NR3C2: variants seen among roughly 807,000 people sequenced by gnomAD.
NR3C2 encodes mineralocorticoid receptor.
A neutral mutation model predicts 86.4 loss-of-function variants in NR3C2; 15 were observed. The observed-to-expected ratio is 0.17, with a 90% confidence interval of 0.12 to 0.27. NR3C2 has a LOEUF of 0.27. Among genes scored for constraint, NR3C2 ranks in the 10% least tolerant of loss-of-function variants. The pLI, the probability that NR3C2 is intolerant of heterozygous loss-of-function variation, is 1.00. For missense variants in NR3C2, 960 were observed against 1,195.6 expected (o/e 0.80, Z 2.91); for synonymous variants, 458 against 450.5 (o/e 1.02, Z -0.21).
At chr4:148,122,908 C>A (rs965896453) in intron 6 of NR3C2, among the ~76,000 whole-genome samples, 11 of 152,064 alleles carry the variant, frequency 7.2e-5, no homozygotes, top group Non-Finnish European at 1.3e-4. Flanking sequence ...TGAAAAAGAA[C>A]AGAATAACAG....
intron 2 of NR3C2, among the ~76,000 whole-genome samples, chr4:148,369,477 C>T (rs72951990): frequency 0.012 from 1,812 of 152,298 alleles, 30 homozygotes; most frequent in African/African-American, 0.041. Flanking sequence ...ACATATACTT[C>T]ACTTTGAGGC....
At chr4:148,118,904 C>T (rs977564094) in intron 7 of NR3C2, among the ~76,000 whole-genome samples, 1 of 152,138 alleles carries the variant, frequency 6.6e-6, no homozygotes, top group African/African-American at 2.4e-5. Context: ...GGTAATACCC[C>T]CCATTATTTC....
chr4:148,421,378 T>C (rs376070720), intron 2 of NR3C2, among the ~76,000 whole-genome samples: 5 of 152,348 alleles, frequency 3.3e-5, no homozygotes, highest in Admixed American at 3.3e-4. Context: ...CATAGCAGTG[T>C]ATTCGTCTCT....
intron 6 of NR3C2, 31 bp from the exon 7 acceptor site, chr4:148,120,319 A>T: frequency 6.2e-7 from 1 of 1,613,628 alleles, no homozygotes; most frequent in Middle Eastern, 1.7e-4. Flanking sequence ...ATGTCTGAGA[A>T]TGCAAGATTC....
At chr4:148,139,678 A>G (rs1288162311) in intron 6 of NR3C2, among the ~76,000 whole-genome samples, 1 of 152,190 alleles carries the variant, frequency 6.6e-6, no homozygotes, top group Non-Finnish European at 1.5e-5. Flanking sequence ...CTCCTACTGC[A>G]GCTCCACTGA....
Position 148,436,149 on chromosome 4 carries a change from A to T in NR3C2, c.712T>A (p.Ser238Thr), listed in dbSNP as rs749025828. 2 of 1,614,086 alleles carry T rather than the reference A, an allele frequency of 1.2e-6. No homozygotes were observed. The highest frequency in any genetic ancestry group is 3.3e-5 in the Admixed American group (2 of 60,016). The change falls in exon 2 of 9, where the codon TCC becomes ACC. Residue 238 changes from serine to threonine, a missense_variant. Ser to Thr is a moderately conservative substitution (Grantham distance 58, BLOSUM62 1). Transcript: ENST00000358102. The stretch of plus-strand genomic sequence containing the variant: ...GAGCCTCGATTTTCAACATTAGGGG[A>T]GCATGTCAGAGGAGTTCCCTGGGTG... ...PITQGTPLTC[S>T]PNVENRGSRS...
rs13125410 is a variant in NR3C2 at position 148,094,514 on chromosome 4, G to T, written c.2800-13015C>A. On this transcript the variant is annotated intron_variant, in intron 8 of 8. Coordinates refer to ENST00000358102, the MANE Select transcript of NR3C2 (RefSeq NM_000901.5). Reference sequence around the variant, plus strand: ...GGACCACCTGAGATCAGGAATTTGAGACCAGCCTGGCCAACATGGTGAAAC... The same window carrying T: ...GGACCACCTGAGATCAGGAATTTGATACCAGCCTGGCCAACATGGTGAAAC... Among the ~76,000 whole-genome samples, 1,017 of 152,266 alleles carry T rather than the reference G, an allele frequency of 6.7e-3. 3 individuals carry two copies. The highest frequency in any genetic ancestry group is 0.011 in the Non-Finnish European group (767 of 68,012).
chr4:148,198,862 C>T (rs576565118), intron 3 of NR3C2, among the ~76,000 whole-genome samples: 6 of 151,762 alleles, frequency 4.0e-5, no homozygotes, highest in Non-Finnish European at 7.4e-5. Context: ...GGGTGGATCA[C>T]GAGATCAGGT....
At chr4:148,212,861 G>A (rs1475672499) in intron 3 of NR3C2, among the ~76,000 whole-genome samples, 4 of 152,166 alleles carry the variant, frequency 2.6e-5, no homozygotes, top group African/African-American at 7.2e-5. Context: ...GATAGGCATC[G>A]TGTTTATTGT....
chr4:148,276,771 C>T (rs540316272), intron 2 of NR3C2, among the ~76,000 whole-genome samples: 3 of 152,236 alleles, frequency 2.0e-5, no homozygotes, highest in South Asian at 2.1e-4. Context: ...GAGAAAAGTG[C>T]GGTAGCACTT....
At chr4:148,302,839 T>A (rs1579127324) in intron 2 of NR3C2, among the ~76,000 whole-genome samples, 3 of 83,330 alleles carry the variant, frequency 3.6e-5, no homozygotes, top group Admixed American at 3.4e-4. Context: ...AGAGCGAAAC[T>A]CCGTCTCAAA....
chr4:148,349,021 A>G (rs985319144), intron 2 of NR3C2, among the ~76,000 whole-genome samples: 4 of 152,196 alleles, frequency 2.6e-5, no homozygotes, highest in Non-Finnish European at 5.9e-5. Flanking sequence ...CTCTAGAAAG[A>G]AGAGTAAAAT....
chr4:148,269,211 G>C (rs758980720), intron 2 of NR3C2, among the ~76,000 whole-genome samples: 2 of 152,092 alleles, frequency 1.3e-5, no homozygotes, highest in East Asian at 1.9e-4. Context: ...AAGTCCAAGT[G>C]GGGGAGCAAG....
chr4:148,339,884 A>G lies in NR3C2; in HGVS notation c.1758-79767T>C, dbSNP rs547071521. On this transcript the variant is annotated intron_variant, in intron 2 of 8. Transcript: ENST00000358102. ...TACAAAGTCAACATACAAAAAAATC[A>G]GTAGCACTTATATAAGCCAACAGTG... Among the ~76,000 whole-genome samples, 6 of 152,318 alleles carry G rather than the reference A, an allele frequency of 3.9e-5. No homozygotes were observed. The East Asian group carries it at 1.2e-3, about 29-fold the overall frequency.
At chr4:148,093,544 T>C (rs1276682074) in intron 8 of NR3C2, among the ~76,000 whole-genome samples, 3 of 152,164 alleles carry the variant, frequency 2.0e-5, no homozygotes, top group Non-Finnish European at 4.4e-5. Context: ...AAAATGAGCA[T>C]TGGGGCGGGG....
At chr4:148,299,372 G>A (rs111227348) in intron 2 of NR3C2, among the ~76,000 whole-genome samples, 2,150 of 152,142 alleles carry the variant, frequency 0.014, 54 homozygotes, top group African/African-American at 0.049. Flanking sequence ...CAACCCTGTC[G>A]CTCTGGGGGG....
upstream of NR3C2, among the ~76,000 whole-genome samples, chr4:148,443,529 CCCT>C (rs763777621): frequency 2.6e-5 from 4 of 152,176 alleles, no homozygotes; most frequent in Non-Finnish European, 5.9e-5. Context: ...TCCAACCGCC[CCCT>C]CCTCGATTCT....
chr4:148,409,544 T>TC (rs1414794436), intron 2 of NR3C2, among the ~76,000 whole-genome samples: 1 of 152,162 alleles, frequency 6.6e-6, no homozygotes, highest in Non-Finnish European at 1.5e-5. Context: ...GATGGACCTT[T>TC]CCTTAGGTGA....
intron 3 of NR3C2, among the ~76,000 whole-genome samples, chr4:148,229,273 G>T (rs1446004862): frequency 6.6e-6 from 1 of 152,128 alleles, no homozygotes; most frequent in African/African-American, 2.4e-5. Context: ...TCTTCAGCTT[G>T]TGTGTGATGG....
Sources: gnomAD v4.1 joint callset for allele counts (sites outside exome capture counted in the v4.1 genomes callset) on GRCh38, gnomAD v4.1.1 for gene constraint, MANE v1.5 for transcripts, NCBI Gene and HGNC (gene_info 2026-07-23, HGNC 2026-07-21) for gene names.